The following FBXW7 variants were observed in gnomAD, a reference collection of about 807,000 sequenced individuals.
The protein encoded by FBXW7 is F-box and WD repeat domain containing 7.
FBXW7 carries 11 observed loss-of-function variants against 86.3 expected under a neutral mutation model. The ratio of observed to expected loss-of-function variants is 0.13; its 90% confidence interval spans 0.08 to 0.21. The LOEUF (loss-of-function observed/expected upper bound fraction) is 0.21, where lower values mean the gene tolerates loss of function less well. FBXW7 is among the 10% of genes least tolerant of loss of function. FBXW7 has a pLI of 1.00. For synonymous variants in FBXW7, 313 were observed against 297.9 expected (o/e 1.05, Z -0.52); for missense variants, 488 against 847.4 (o/e 0.58, Z 5.27).
chr4:152,348,040 G>C (rs771201267), intron 5 of FBXW7, among the ~76,000 whole-genome samples: 5 of 152,034 alleles, frequency 3.3e-5, no homozygotes, highest in Non-Finnish European at 5.9e-5. Context: ...TCAATTCATT[G>C]AGCTATGTTG....
chr4:152,499,770 C>A (rs960190159), intron 2 of FBXW7, among the ~76,000 whole-genome samples: 3 of 152,154 alleles, frequency 2.0e-5, no homozygotes, highest in African/African-American at 4.8e-5. Flanking sequence ...GTTGCCCAGG[C>A]TGGCCAACTC....
At chr4:152,376,886 T>C (rs1041136810) in intron 4 of FBXW7, among the ~76,000 whole-genome samples, 1 of 151,954 alleles carries the variant, frequency 6.6e-6, no homozygotes, top group African/African-American at 2.4e-5. Flanking sequence ...ATTTCCAGTT[T>C]TTTCATGACT....
intron 4 of FBXW7, among the ~76,000 whole-genome samples, chr4:152,374,696 C>T (rs1425711228): frequency 6.6e-6 from 1 of 152,020 alleles, no homozygotes; most frequent in African/African-American, 2.4e-5. Context: ...TGTCATATAA[C>T]ATCATTGAGC....
intron 2 of FBXW7, among the ~76,000 whole-genome samples, chr4:152,500,748 T>C (rs1333478254): frequency 6.6e-6 from 1 of 152,186 alleles, no homozygotes; most frequent in South Asian, 2.1e-4. Context: ...TGAAGTACTA[T>C]GTGTCCGCAA....
intron 12 of FBXW7, chr4:152,324,607 A>C (rs1728841812): frequency 2.0e-6 from 1 of 492,284 alleles, no homozygotes; most frequent in East Asian, 3.3e-5. Flanking sequence ...AGAAAGGCTC[A>C]TCTTTATGCC....
intron 2 of FBXW7, among the ~76,000 whole-genome samples, chr4:152,481,028 C>T (rs376898335): frequency 2.6e-5 from 4 of 152,168 alleles, no homozygotes; most frequent in South Asian, 2.1e-4. Flanking sequence ...TAACTCTCTA[C>T]TGGAAGAAGA....
intron 4 of FBXW7, among the ~76,000 whole-genome samples, chr4:152,397,536 C>A (rs1736518118): frequency 6.6e-6 from 1 of 151,558 alleles, no homozygotes. Flanking sequence ...TATTTTTATT[C>A]TTTTAACTGA....
chr4:152,469,852 T>A (rs1262506267), intron 2 of FBXW7, among the ~76,000 whole-genome samples: 1 of 152,164 alleles, frequency 6.6e-6, no homozygotes, highest in Admixed American at 6.5e-5. Flanking sequence ...AACTATAATT[T>A]ACACTCACTA....
chr4:152,454,096 T>C (rs1032227339), intron 2 of FBXW7, among the ~76,000 whole-genome samples: 1 of 152,188 alleles, frequency 6.6e-6, no homozygotes, highest in African/African-American at 2.4e-5. Flanking sequence ...ATTTCCACGA[T>C]ATTAAGTAAT....
chr4:152,525,085 A>C (rs1361071386), intron 2 of FBXW7, among the ~76,000 whole-genome samples: 1 of 152,180 alleles, frequency 6.6e-6, no homozygotes, highest in Admixed American at 6.5e-5. Flanking sequence ...TTTTTGAAAA[A>C]CTATGAAATG....
intron 2 of FBXW7, among the ~76,000 whole-genome samples, chr4:152,441,331 C>G: frequency 6.6e-6 from 1 of 152,200 alleles, no homozygotes; most frequent in South Asian, 2.1e-4. Context: ...TTTTCTCTAC[C>G]CCTAAGCCTT....
Position 152,411,228 on chromosome 4 carries a change from T to G in FBXW7, c.501+75A>C, listed in dbSNP as rs12644477. 0.073 allele frequency: 106,427 copies of G among 1,453,448 alleles called. 6,300 individuals carry two copies. The highest frequency in any genetic ancestry group is 0.28 in the East Asian group (11,662 of 42,084). 90.0% of individuals were successfully genotyped at this position (1,453,448 alleles called of 1,614,324 possible). A position where few individuals can be genotyped will look rare whatever the true frequency, so the allele number is the denominator to read the frequency against. On this transcript the variant is annotated intron_variant, in intron 4 of 13. Coordinates refer to ENST00000281708, the MANE Select transcript of FBXW7 (RefSeq NM_001349798.2). ...GATTAATTTTTAGTAATACAAAGAC[T>G]GTGAGGAAAGTTTCATTACAATTAA...
At chr4:152,408,702 G>A (rs1737655494) in intron 4 of FBXW7, among the ~76,000 whole-genome samples, 1 of 152,118 alleles carries the variant, frequency 6.6e-6, no homozygotes, top group Non-Finnish European at 1.5e-5. Context: ...TGGAAATCTT[G>A]TTCAGTGATG....
chr4:152,438,414 A>G (rs1395811084), intron 2 of FBXW7, among the ~76,000 whole-genome samples: 2 of 152,104 alleles, frequency 1.3e-5, no homozygotes, highest in Admixed American at 6.5e-5. Flanking sequence ...ACGGTGGCTC[A>G]TGCCTGTAAT....
At chr4:152,383,587 C>CAGTCA (rs1285130880) in intron 4 of FBXW7, among the ~76,000 whole-genome samples, 2 of 152,204 alleles carry the variant, frequency 1.3e-5, no homozygotes, top group African/African-American at 4.8e-5. Flanking sequence ...TTCCAACAGC[C>CAGTCA]AGTCAGCTCC....
intron 2 of FBXW7, among the ~76,000 whole-genome samples, chr4:152,450,160 T>C (rs938432818): frequency 5.9e-5 from 9 of 152,332 alleles, no homozygotes; most frequent in Admixed American, 5.9e-4. Flanking sequence ...TTAAATCAAT[T>C]TCCAGAATAT....
intron 4 of FBXW7, among the ~76,000 whole-genome samples, chr4:152,362,672 A>T (rs1733085835): frequency 6.6e-6 from 1 of 151,956 alleles, no homozygotes; most frequent in Non-Finnish European, 1.5e-5. Context: ...TGAAAATATA[A>T]AACAAATTAG....
In FBXW7 at chr4:152,324,191, T is replaced by C; in HGVS notation, c.1848A>G (p.Thr616=). 6.2e-7 allele frequency: 1 copy of C among 1,610,768 alleles called. No homozygotes were observed. The highest frequency in any genetic ancestry group is 8.5e-7 in the Non-Finnish European group (1 of 1,178,594). The part of the protein sequence containing the change: ...WDIKTGQCLQ[T]LQGPNKHQSA... ...AAGGTGAGTAAGACTTACCTTGCAA[T>C]GTTTGTAAACACTGTCCTGTTTTGA... is the stretch of plus-strand genomic sequence containing the variant. Residue 616 remains threonine, a synonymous_variant, in exon 13 of 14, where the codon ACA becomes ACG. Transcript: ENST00000281708.
intron 4 of FBXW7, among the ~76,000 whole-genome samples, chr4:152,356,413 TTTTC>T (rs10544974): frequency 0.5 from 76,597 of 151,684 alleles, 23,467 homozygotes; most frequent in Non-Finnish European, 0.69. Flanking sequence ...CTATTAGTTC[TTTTC>T]TTTACCTTGC....
Sources: gnomAD v4.1 joint callset for allele counts (sites outside exome capture counted in the v4.1 genomes callset) on GRCh38, gnomAD v4.1.1 for gene constraint, MANE v1.5 for transcripts, NCBI Gene and HGNC (gene_info 2026-07-23, HGNC 2026-07-21) for gene names.